GBE1: variants seen among roughly 807,000 people sequenced by gnomAD.
GBE1 encodes 1,4-alpha-glucan-branching enzyme.
GBE1 carries 70 observed loss-of-function variants against 88.8 expected under a neutral mutation model. That is an observed-to-expected ratio of 0.79 (90% CI 0.65 to 0.96). The LOEUF is 0.96. Ranked by LOEUF, GBE1 falls within the 40% of genes least tolerant of loss-of-function variation. The probability of loss-of-function intolerance (pLI) is 0.00; values close to 1 mark genes in which losing one functional copy is unlikely to be tolerated. For synonymous variants in GBE1, 284 were observed against 300.1 expected (o/e 0.95, Z 0.56); for missense variants, 872 against 871.0 (o/e 1.00, Z -0.01).
At chr3:81,508,172 C>T (rs1207448556) in intron 14 of GBE1, among the ~76,000 whole-genome samples, 2 of 152,130 alleles carry the variant, frequency 1.3e-5, no homozygotes, top group Non-Finnish European at 2.9e-5. Flanking sequence ...TGAGTACTAC[C>T]TATTTCTCTA....
At chr3:81,526,531 T>G (rs1399384175) in intron 14 of GBE1, among the ~76,000 whole-genome samples, 3 of 152,098 alleles carry the variant, frequency 2.0e-5, no homozygotes, top group African/African-American at 4.8e-5. Context: ...AGTCTCAGGA[T>G]GCAAAATCAT....
At chr3:81,581,118 A>G in intron 11 of GBE1, 47 bp downstream of exon 11, 4 of 1,019,110 alleles carry the variant, frequency 3.9e-6, no homozygotes, top group Non-Finnish European at 6.0e-6. Flanking sequence ...GGGAAGGAGG[A>G]AGAGAGAGAG....
At chr3:81,594,952 G>A (rs183398163) in intron 7 of GBE1, among the ~76,000 whole-genome samples, 12 of 151,694 alleles carry the variant, frequency 7.9e-5, no homozygotes, top group South Asian at 6.2e-4. Flanking sequence ...TACCCCAGTC[G>A]AAATTCATGT....
chr3:81,663,696 A>G (rs1190256417), intron 3 of GBE1, among the ~76,000 whole-genome samples: 1 of 152,120 alleles, frequency 6.6e-6, no homozygotes, highest in South Asian at 2.1e-4. Context: ...ACAGCAAACT[A>G]AAAGCACACG....
intron 3 of GBE1, among the ~76,000 whole-genome samples, chr3:81,668,821 C>A (rs1705150096): frequency 6.6e-6 from 1 of 152,182 alleles, no homozygotes; most frequent in Non-Finnish European, 1.5e-5. Context: ...CTTCCACACA[C>A]CTAGCTCCTT....
chr3:81,513,794 A>G (rs1702757741), intron 14 of GBE1, among the ~76,000 whole-genome samples: 1 of 151,694 alleles, frequency 6.6e-6, no homozygotes, highest in African/African-American at 2.4e-5. Context: ...CTAATCATGA[A>G]CTAATTTAAT....
intron 14 of GBE1, among the ~76,000 whole-genome samples, chr3:81,519,817 G>A (rs374202827): frequency 1.3e-5 from 2 of 151,372 alleles, no homozygotes; most frequent in East Asian, 1.9e-4. Context: ...TTTGTCAGAG[G>A]TTATGGCAGG....
intron 7 of GBE1, among the ~76,000 whole-genome samples, chr3:81,607,127 C>A (rs1053582701): frequency 6.6e-6 from 1 of 152,124 alleles, no homozygotes; most frequent in Admixed American, 6.6e-5. Context: ...TTAGACCTCA[C>A]AAAATGATTT....
At chr3:81,540,760 ATGT>A (rs1269769442) in intron 12 of GBE1, among the ~76,000 whole-genome samples, 1 of 152,068 alleles carries the variant, frequency 6.6e-6, no homozygotes. Context: ...AATGAAAATA[ATGT>A]TGTTACAAGA....
chr3:81,523,847 G>A (rs1164900645), intron 14 of GBE1, among the ~76,000 whole-genome samples: 2 of 151,740 alleles, frequency 1.3e-5, no homozygotes, highest in East Asian at 3.9e-4. Context: ...TTTTATGGCT[G>A]AATAGTATTC....
At chr3:81,546,281 A>G (rs1307429004) in intron 12 of GBE1, among the ~76,000 whole-genome samples, 4 of 151,868 alleles carry the variant, frequency 2.6e-5, no homozygotes, top group African/African-American at 7.3e-5. Flanking sequence ...TTAAATACAC[A>G]CACCTGTACA....
chr3:81,656,399 T>C (rs1704940017), intron 3 of GBE1, among the ~76,000 whole-genome samples: 1 of 152,146 alleles, frequency 6.6e-6, no homozygotes, highest in African/African-American at 2.4e-5. Flanking sequence ...GCTGAAAATG[T>C]CATGGAACAC....
At chr3:81,650,840 G>A (rs952052817) in intron 3 of GBE1, among the ~76,000 whole-genome samples, 8 of 151,434 alleles carry the variant, frequency 5.3e-5, no homozygotes, top group Non-Finnish European at 7.4e-5. Context: ...AATTTTGGGG[G>A]GGTCTGGGGT....
At chr3:81,757,666 G>A (rs1706622038) in intron 1 of GBE1, among the ~76,000 whole-genome samples, 1 of 152,166 alleles carries the variant, frequency 6.6e-6, no homozygotes, top group Admixed American at 6.5e-5. Flanking sequence ...GCTGGTAGAG[G>A]AAGATTCCAG....
At chr3:81,537,186 T>C (rs1207552364) in intron 12 of GBE1, 91 bp from the exon 13 acceptor site, 2 of 891,886 alleles carry the variant, frequency 2.2e-6, no homozygotes, top group Non-Finnish European at 3.1e-6. Context: ...TTAATGTTTT[T>C]TAAATTTAGT....
chr3:81,719,923 G>A (rs2107188021), intron 1 of GBE1, among the ~76,000 whole-genome samples: 1 of 152,216 alleles, frequency 6.6e-6, no homozygotes, highest in South Asian at 2.1e-4. Context: ...GAGAGCCATG[G>A]ATGTTAGCCT....
intron 9 of GBE1, among the ~76,000 whole-genome samples, chr3:81,588,403 A>G (rs1703829103): frequency 1.3e-5 from 2 of 152,186 alleles, no homozygotes; most frequent in South Asian, 4.1e-4. Flanking sequence ...CAAACTGTCA[A>G]GAATGACTGG....
At chr3:81,713,652 A>T (rs959284894) in intron 1 of GBE1, among the ~76,000 whole-genome samples, 21 of 152,188 alleles carry the variant, frequency 1.4e-4, no homozygotes, top group African/African-American at 4.3e-4. Context: ...TTTAAATGAC[A>T]TCATGGTACA....
At chr3:81,745,687 TATCTC>T (rs779034732) in intron 1 of GBE1, among the ~76,000 whole-genome samples, 9 of 152,104 alleles carry the variant, frequency 5.9e-5, no homozygotes, top group Non-Finnish European at 1.5e-5. Flanking sequence ...ACAGGTAAAA[TATCTC>T]ATCAGTAATC....
Sources: gnomAD v4.1 joint callset for allele counts (sites outside exome capture counted in the v4.1 genomes callset) on GRCh38, gnomAD v4.1.1 for gene constraint, MANE v1.5 for transcripts, NCBI Gene and HGNC (gene_info 2026-07-23, HGNC 2026-07-21) for gene names.